Variants in OLFML2A observed in about 807,000 individuals in gnomAD.
OLFML2A encodes olfactomedin-like protein 2A.
A neutral mutation model predicts 60.9 loss-of-function variants in OLFML2A; 47 were observed. The ratio of observed to expected loss-of-function variants is 0.77; its 90% CI spans 0.61 to 0.98. The LOEUF is 0.98. Ranked by LOEUF, OLFML2A falls within the 50% of genes least tolerant of loss-of-function variation. OLFML2A has a pLI of 0.00. For synonymous variants in OLFML2A, 372 were observed against 375.0 expected, an observed-to-expected ratio of 0.99 and a Z score of 0.09; for missense variants, 922 against 879.8, an observed-to-expected ratio of 1.05 and a Z score of -0.61.
chr9:124,786,720 C>CAAA (rs377027853), intron 1 of OLFML2A, among the ~76,000 whole-genome samples: 45 of 128,676 alleles, frequency 3.5e-4, no homozygotes, highest in African/African-American at 1.3e-3. Context: ...GACTCCGTCT[C>CAAA]AAAAAAAAAA....
At chr9:124,803,021 G>A (rs879332330) in intron 5 of OLFML2A, among the ~76,000 whole-genome samples, 3 of 151,892 alleles carry the variant, frequency 2.0e-5, no homozygotes, top group South Asian at 2.1e-4. Context: ...CAATTCTCTC[G>A]CCTCAGCCTC....
chr9:124,804,618 G>C (rs1841854510), intron 6 of OLFML2A, among the ~76,000 whole-genome samples: 1 of 151,862 alleles, frequency 6.6e-6, no homozygotes, highest in Non-Finnish European at 1.5e-5. Flanking sequence ...CAGCTACTCG[G>C]GAGGCTGAGG....
chr9:124,802,606 G>A (rs1841798894), intron 5 of OLFML2A, among the ~76,000 whole-genome samples: 2 of 152,214 alleles, frequency 1.3e-5, no homozygotes, highest in South Asian at 4.1e-4. Flanking sequence ...CCTAAGAACA[G>A]CTGCAGGCAT....
chr9:124,801,385 T>A (rs919382564), intron 4 of OLFML2A, 29 bp from the exon 5 acceptor site: 2 of 1,611,900 alleles, frequency 1.2e-6, no homozygotes, highest in Admixed American at 3.3e-5. Flanking sequence ...CTACTGTCCT[T>A]CAAGTCTGAG....
intron 1 of OLFML2A, among the ~76,000 whole-genome samples, chr9:124,785,692 G>A (rs920691665): frequency 2.0e-5 from 3 of 152,144 alleles, no homozygotes; most frequent in Admixed American, 6.5e-5. Context: ...GAGCCACCGC[G>A]CCCGGCCTTT....
chr9:124,804,239 C>T lies in OLFML2A; in HGVS notation c.1065C>T (p.Pro355=), dbSNP rs200017688. The T allele has an allele frequency of 1.1e-5, 18 of 1,613,436 alleles. No individual in the cohort carries two copies. In the African/African-American group the frequency reaches 2.4e-4, roughly 22 times the overall value. ...SERVDLASGT[P]TSIPATTTTA... The stretch of plus-strand genomic sequence containing the variant: ...GAGTGGACCTGGCTTCTGGCACCCC[C>T]ACTTCAATCCCTGCCACCACCACCA... Residue 355 remains proline, a synonymous_variant, in exon 6 of 8, where the codon CCC becomes CCT. Coordinates refer to ENST00000373580, the MANE Select transcript of OLFML2A (RefSeq NM_182487.4).
intron 4 of OLFML2A, 117 bp from the exon 5 acceptor site, chr9:124,801,296 TG>T (rs752643214): frequency 7.7e-5 from 86 of 1,114,764 alleles, no homozygotes; most frequent in Non-Finnish European, 8.0e-5. Context: ...TGTGAGTGCT[TG>T]GGACATAGGG....
chr9:124,777,599 G>A lies in OLFML2A; in HGVS notation c.90+239G>A, dbSNP rs1203138243. On this transcript the variant is annotated intron_variant, in intron 1 of 7. Coordinates refer to ENST00000373580, the MANE Select transcript of OLFML2A (RefSeq NM_182487.4). This position sits in a 1 kb window ranked among gnomAD's most constrained non-coding sequence, Gnocchi z 6.2. The stretch of plus-strand genomic sequence containing the variant: ...CTAGGGACCCGGGGCCTGAGGAAGG[G>A]GCGCTGGGACCGGGTCCGATTCCCG... 1.3e-5 allele frequency among the ~76,000 whole-genome samples: 2 copies of A among 152,168 alleles called. No homozygotes were observed. Among genetic ancestry groups the A allele is most frequent in the Non-Finnish European group, 2.9e-5 (2 of 68,002 alleles).
chr9:124,778,624 A>T (rs1210005866), intron 1 of OLFML2A, among the ~76,000 whole-genome samples: 1 of 25,476 alleles, frequency 3.9e-5, no homozygotes, highest in Non-Finnish European at 6.4e-5. Flanking sequence ...CCGTCTCTAT[A>T]AAAAAAAAAA....
chr9:124,800,914 C>T, intron 4 of OLFML2A: 1 of 1,537,894 alleles, frequency 6.5e-7, no homozygotes. Context: ...TCCCAGTTTG[C>T]CTGGGACTTG....
intron 1 of OLFML2A, among the ~76,000 whole-genome samples, chr9:124,780,753 T>C (rs1488375267): frequency 6.6e-6 from 1 of 152,196 alleles, no homozygotes; most frequent in East Asian, 1.9e-4. Context: ...TGCCAAGCCA[T>C]GTCCCCAGCA....
rs749162406 is a variant in OLFML2A at position 124,809,862 on chromosome 9, T to C, written c.1409T>C (p.Val470Ala). 2.5e-6 allele frequency: 4 copies of C among 1,614,118 alleles called. No homozygotes were observed. The Admixed American group carries it at 5.0e-5, about 20-fold the overall frequency. ...TACAACTGGATCGGCACAGGCCACG[T>C]GGTGTACCAGGGCGCCTTCTACTAC... Reference protein sequence around the residue: ...LPYNWIGTGHVVYQGAFYYNR... With the variant: ...LPYNWIGTGHAVYQGAFYYNR... Residue 470 changes from valine to alanine, a missense_variant, in exon 8 of 8, where the codon GTG becomes GCG. Physicochemically the swap from Val to Ala is moderately conservative, Grantham distance 64. Coordinates refer to ENST00000373580, the MANE Select transcript of OLFML2A (RefSeq NM_182487.4).
chr9:124,801,853 C>A (rs541712819), intron 5 of OLFML2A, among the ~76,000 whole-genome samples, 190 bp downstream of exon 5: 1 of 152,304 alleles, frequency 6.6e-6, no homozygotes, highest in African/African-American at 2.4e-5. Flanking sequence ...GATGGCAGAA[C>A]CAACCTGCAG....
Position 124,810,593 on chromosome 9 carries a change from T to C in OLFML2A, c.*181T>C, listed in dbSNP as rs546160817. The C allele has an allele frequency of 5.0e-5, 31 of 622,294 alleles. No homozygotes were observed. Among genetic ancestry groups the C allele is most frequent in the Middle Eastern group, 4.3e-4 (1 of 2,342 alleles). 38.5% of individuals were successfully genotyped at this position (622,294 alleles called of 1,614,324 possible). ...CCAGTGGGTAATACTTGCTTCCACT[T>C]GCAGAGCACCGTGCCAAGCACTTCC... is the stretch of plus-strand genomic sequence containing the variant. On this transcript the variant is annotated 3_prime_UTR_variant, in exon 8 of 8. Coordinates refer to ENST00000373580, the MANE Select transcript of OLFML2A (RefSeq NM_182487.4).
chr9:124,795,149 G>T lies in OLFML2A; in HGVS notation c.462+18G>T, dbSNP rs772735719. ...TGGAAGAGGTAAGGGCGGGGCTGCC[G>T]CCAGAGGCCAGGCTGCTCTGGTGCT... On this transcript the variant is annotated intron_variant, in intron 3 of 7. Coordinates refer to ENST00000373580, the MANE Select transcript of OLFML2A (RefSeq NM_182487.4). 2 of 1,449,754 alleles carry T rather than the reference G, an allele frequency of 1.4e-6. No homozygotes were observed. Among genetic ancestry groups the T allele is most frequent in the African/African-American group, 1.4e-5 (1 of 71,880 alleles). 89.8% of individuals were successfully genotyped at this position (1,449,754 alleles called of 1,614,324 possible).
Position 124,801,470 on chromosome 9 carries a change from C to T in OLFML2A, c.726C>T (p.Ser242=), listed in dbSNP as rs145269816. The change falls in exon 5 of 8, where the codon AGC becomes AGT. Residue 242 remains serine (S), a synonymous_variant. Transcript: ENST00000373580. ...GCAAGTATGGCAGTGTGCAGAAAAG[C>T]TTTGCAGACAGAGGCCTCCCAAAAC... The part of the protein sequence containing the change: ...DISKYGSVQK[S]FADRGLPKPP... 1,492 of 1,614,080 alleles carry T rather than the reference C, an allele frequency of 9.2e-4. 23 individuals carry two copies. In the South Asian group the frequency reaches 0.016, roughly 17 times the overall value.
chr9:124,808,619 G>A (rs1588891212), intron 7 of OLFML2A, among the ~76,000 whole-genome samples: 1 of 152,132 alleles, frequency 6.6e-6, no homozygotes, highest in East Asian at 1.9e-4. Flanking sequence ...TAGAGATCAG[G>A]GAAGACCTTC....
In OLFML2A at chr9:124,777,398, A is replaced by G; in HGVS notation, c.90+38A>G. 8.2e-7 allele frequency: 1 copy of G among 1,225,440 alleles called. No homozygotes were observed. The highest frequency in any genetic ancestry group is 1.0e-6 in the Non-Finnish European group (1 of 982,706). The allele number at this position is 1,225,440 out of a possible 1,614,324, so 75.9% of individuals were successfully genotyped here. The stretch of plus-strand genomic sequence containing the variant: ...CTCGGACCCGCGCGGCTCGGCGGGT[A>G]GCGGGGCGCGAGGGGGCGCTGTGGC... On this transcript the variant is annotated intron_variant, in intron 1 of 7. Transcript: ENST00000373580. This position sits in a 1 kb window ranked among gnomAD's most constrained non-coding sequence, Gnocchi z 6.2.
chr9:124,778,255 G>A (rs1188700088), intron 1 of OLFML2A, among the ~76,000 whole-genome samples: 5 of 151,746 alleles, frequency 3.3e-5, no homozygotes, highest in Admixed American at 2.0e-4. Context: ...CAGCTACTCC[G>A]GAAGCTGAGG....
Sources: allele counts gnomAD v4.1 joint callset (sites outside exome capture counted in the v4.1 genomes callset), GRCh38; gene constraint gnomAD v4.1.1; non-coding constraint Gnocchi (gnomAD v3.1); transcripts MANE v1.5; gene names NCBI Gene and HGNC (gene_info 2026-07-23, HGNC 2026-07-21).